THSD7A: variants seen among roughly 807,000 people sequenced by gnomAD.
The protein encoded by THSD7A is thrombospondin type-1 domain-containing protein 7A.
A neutral mutation model predicts 231.3 loss-of-function variants in THSD7A; 96 were observed. That is an observed-to-expected ratio of 0.41 (90% CI 0.35 to 0.49). THSD7A has a LOEUF of 0.49. THSD7A is among the 20% of genes least tolerant of loss of function. The probability of loss-of-function intolerance (pLI) is 0.05; values close to 1 mark genes in which losing one functional copy is unlikely to be tolerated. For synonymous variants in THSD7A, 940 were observed against 743.3 expected, an observed-to-expected ratio of 1.26 and a Z score of -4.30; for missense variants, 2,290 against 2,070.2, an observed-to-expected ratio of 1.11 and a Z score of -2.06.
chr7:11,777,390 A>C (rs937175966), intron 1 of THSD7A, among the ~76,000 whole-genome samples: 1 of 151,208 alleles, frequency 6.6e-6, no homozygotes, highest in African/African-American at 2.4e-5. Flanking sequence ...TGTAAAAAAA[A>C]CTATGTTTCA....
chr7:11,493,483 G>A (rs1003380329), intron 6 of THSD7A, among the ~76,000 whole-genome samples: 1 of 152,030 alleles, frequency 6.6e-6, no homozygotes, highest in Non-Finnish European at 1.5e-5. Flanking sequence ...AGATATTAGG[G>A]TTATTCATTT....
At chr7:11,543,162 CATAT>C (rs777920151) in intron 4 of THSD7A, 45 bp from the exon 5 acceptor site, 1 of 1,529,658 alleles carries the variant, frequency 6.5e-7, no homozygotes, top group Admixed American at 1.9e-5. Context: ...ACAAAAGGAA[CATAT>C]ATGGCCAACA....
intron 1 of THSD7A, among the ~76,000 whole-genome samples, chr7:11,716,904 A>G (rs910146573): frequency 1.3e-5 from 2 of 151,618 alleles, no homozygotes; most frequent in African/African-American, 4.8e-5. Flanking sequence ...CCCAGAAAAC[A>G]AAAGCACAAA....
chr7:11,817,643 G>A (rs1207274799), intron 1 of THSD7A, among the ~76,000 whole-genome samples: 1 of 152,200 alleles, frequency 6.6e-6, no homozygotes, highest in African/African-American at 2.4e-5. Context: ...TTATAGCCAA[G>A]TAAGGGATAA....
At chr7:11,568,522 A>G (rs81) in intron 4 of THSD7A, among the ~76,000 whole-genome samples, 120,377 of 150,474 alleles carry the variant, frequency 0.8, 48,274 homozygotes, top group Middle Eastern at 0.89. Flanking sequence ...CTATTTGGGA[A>G]GCTGAGGCAG....
At chr7:11,614,671 A>G (rs1297904682) in intron 2 of THSD7A, among the ~76,000 whole-genome samples, 1 of 152,256 alleles carries the variant, frequency 6.6e-6, no homozygotes, top group Non-Finnish European at 1.5e-5. Flanking sequence ...TATCAATGAC[A>G]GAAATTGGGA....
At chr7:11,656,178 C>T (rs1782696777) in intron 1 of THSD7A, among the ~76,000 whole-genome samples, 1 of 151,820 alleles carries the variant, frequency 6.6e-6, no homozygotes, top group Admixed American at 6.6e-5. Context: ...TGTTTTTATG[C>T]TTAGACAAGG....
intron 1 of THSD7A, among the ~76,000 whole-genome samples, chr7:11,725,745 C>T (rs10231480): frequency 1.3e-5 from 2 of 151,916 alleles, no homozygotes; most frequent in Non-Finnish European, 2.9e-5. Context: ...TTTAAACATA[C>T]GCAGTTGTGT....
intron 1 of THSD7A, among the ~76,000 whole-genome samples, chr7:11,699,145 T>C (rs1562485605): frequency 6.6e-6 from 1 of 151,194 alleles, no homozygotes; most frequent in Non-Finnish European, 1.5e-5. Flanking sequence ...TTTAGTTAGA[T>C]GTTGACCTTG....
At chr7:11,398,183 A>T (rs1019981806) in intron 23 of THSD7A, among the ~76,000 whole-genome samples, 1 of 150,370 alleles carries the variant, frequency 6.7e-6, no homozygotes, top group Non-Finnish European at 1.5e-5. Context: ...TGGCACGTAT[A>T]CACCATGGAA....
chr7:11,475,935 CTTTTTTT>C (rs553018024), intron 7 of THSD7A, among the ~76,000 whole-genome samples: 1,407 of 110,762 alleles, frequency 0.013, 31 homozygotes, highest in African/African-American at 0.045. Flanking sequence ...AAATACTTTC[CTTTTTTT>C]TTTTTTTTTT....
intron 1 of THSD7A, among the ~76,000 whole-genome samples, chr7:11,791,615 T>G (rs897181593): frequency 3.3e-5 from 5 of 152,004 alleles, no homozygotes; most frequent in Non-Finnish European, 7.4e-5. Context: ...ACAACCTTGG[T>G]ATTTTCTGTG....
chr7:11,660,189 G>A (rs183979685), intron 1 of THSD7A, among the ~76,000 whole-genome samples: 2 of 151,624 alleles, frequency 1.3e-5, no homozygotes, highest in East Asian at 3.9e-4. Context: ...CAGATAGAGA[G>A]TAACAACTAT....
At chr7:11,448,245 TA>T (rs1488581761) in intron 11 of THSD7A, among the ~76,000 whole-genome samples, 5 of 152,152 alleles carry the variant, frequency 3.3e-5, no homozygotes, top group Non-Finnish European at 7.4e-5. Context: ...AAATGAGAAA[TA>T]ATATTTTTAC....
chr7:11,673,985 G>A (rs1294692723), intron 1 of THSD7A, among the ~76,000 whole-genome samples: 6 of 151,870 alleles, frequency 4.0e-5, no homozygotes, highest in South Asian at 2.1e-4. Context: ...AGGGATCTTC[G>A]AACTCTGAGC....
chr7:11,821,026 T>C (rs1462744419), intron 1 of THSD7A: 1 of 992,296 alleles, frequency 1.0e-6, no homozygotes, highest in Non-Finnish European at 1.6e-6. Flanking sequence ...CCAGGTTTTC[T>C]GGGACTTTTC....
chr7:11,748,416 T>C (rs1295779841), intron 1 of THSD7A, among the ~76,000 whole-genome samples: 1 of 152,004 alleles, frequency 6.6e-6, no homozygotes, highest in Non-Finnish European at 1.5e-5. Flanking sequence ...AGTTTGTTCT[T>C]GAAAACTCTT....
At chr7:11,723,502 G>A (rs4532508) in intron 1 of THSD7A, among the ~76,000 whole-genome samples, 108,430 of 151,712 alleles carry the variant, frequency 0.71, 38,798 homozygotes, top group South Asian at 0.79. Flanking sequence ...TAAACTGGAT[G>A]CATAAATAAA....
intron 2 of THSD7A, among the ~76,000 whole-genome samples, chr7:11,618,304 A>G (rs1464310657): frequency 6.6e-6 from 1 of 152,220 alleles, no homozygotes; most frequent in Non-Finnish European, 1.5e-5. Flanking sequence ...TTGTATACAC[A>G]TGCATATTGT....
Sources: gnomAD v4.1 joint callset for allele counts (sites outside exome capture counted in the v4.1 genomes callset) on GRCh38, gnomAD v4.1.1 for gene constraint, MANE v1.5 for transcripts, NCBI Gene and HGNC (gene_info 2026-07-23, HGNC 2026-07-21) for gene names.